Variants in MEI4 observed in about 807,000 individuals in gnomAD.
MEI4 encodes the protein meiosis-specific protein MEI4.
A neutral mutation model predicts 31.4 loss-of-function variants in MEI4; 27 were observed. The ratio of observed to expected loss-of-function variants is 0.86; its 90% confidence interval spans 0.63 to 1.19. The LOEUF is 1.19. Among genes scored for constraint, MEI4 ranks in the 50% most tolerant of loss-of-function variants. MEI4 has a pLI of 0.00. For missense variants in MEI4, 329 were observed against 398.9 expected (o/e 0.82, Z 1.49); for synonymous variants, 122 against 145.4 (o/e 0.84, Z 1.16).
At chr6:77,658,476 A>G (rs993964164) in intron 1 of MEI4, among the ~76,000 whole-genome samples, 2 of 152,118 alleles carry the variant, frequency 1.3e-5, no homozygotes, top group African/African-American at 4.8e-5. Flanking sequence ...CTGCCTTCTT[A>G]TAAGAAAAAT....
At chr6:77,769,578 T>G (rs933397399) in intron 3 of MEI4, among the ~76,000 whole-genome samples, 1 of 151,980 alleles carries the variant, frequency 6.6e-6, no homozygotes, top group African/African-American at 2.4e-5. Context: ...CAGTACAGAT[T>G]GTACCTCCAA....
chr6:77,694,997 A>G (rs1765982651), intron 2 of MEI4, among the ~76,000 whole-genome samples: 1 of 151,694 alleles, frequency 6.6e-6, no homozygotes, highest in African/African-American at 2.4e-5. Flanking sequence ...TTTGATTTGC[A>G]TTTCTCTGAT....
chr6:77,745,751 A>C (rs1287427586), intron 2 of MEI4, among the ~76,000 whole-genome samples: 1 of 152,200 alleles, frequency 6.6e-6, no homozygotes, highest in Non-Finnish European at 1.5e-5. Context: ...GTAAAAGAAC[A>C]GAAATTATAA....
At chr6:77,663,353 A>G (rs1173837495) in intron 1 of MEI4, among the ~76,000 whole-genome samples, 1 of 152,030 alleles carries the variant, frequency 6.6e-6, no homozygotes, top group African/African-American at 2.4e-5. Flanking sequence ...TAAGGGGTGC[A>G]TGATCGGTCG....
At chr6:77,712,404 A>G (rs1036230580) in intron 2 of MEI4, among the ~76,000 whole-genome samples, 1 of 152,216 alleles carries the variant, frequency 6.6e-6, no homozygotes, top group East Asian at 1.9e-4. Flanking sequence ...GGATTTTTAT[A>G]TTTAAAGAAA....
At chr6:77,760,831 C>G (rs1370825228) in intron 2 of MEI4, among the ~76,000 whole-genome samples, 2 of 152,086 alleles carry the variant, frequency 1.3e-5, no homozygotes, top group African/African-American at 4.8e-5. Flanking sequence ...TCCTTCAGGT[C>G]TTGTGGCTTT....
intron 3 of MEI4, among the ~76,000 whole-genome samples, chr6:77,793,949 C>A (rs11966564): frequency 0.23 from 34,565 of 151,884 alleles, 4,696 homozygotes; most frequent in African/African-American, 0.38. Flanking sequence ...TCAATAATTC[C>A]TTTAAAAGTA....
chr6:77,922,334 A>G (rs1368273974), intron 4 of MEI4, among the ~76,000 whole-genome samples: 3 of 151,764 alleles, frequency 2.0e-5, no homozygotes, highest in Admixed American at 6.6e-5. Flanking sequence ...TAATTAGTCT[A>G]CTTTTCAGAG....
chr6:77,874,037 C>G (rs1017111975), intron 4 of MEI4, among the ~76,000 whole-genome samples: 5 of 152,072 alleles, frequency 3.3e-5, no homozygotes, highest in African/African-American at 4.8e-5. Flanking sequence ...GTCAGGTAGC[C>G]TGATGCCTCC....
intron 2 of MEI4, among the ~76,000 whole-genome samples, chr6:77,710,623 C>T (rs934541954): frequency 3.3e-5 from 5 of 150,110 alleles, no homozygotes; most frequent in African/African-American, 1.2e-4. Flanking sequence ...TTTTAAAAGA[C>T]TTTCTGAAAC....
At chr6:77,724,867 C>T (rs1405050552) in intron 2 of MEI4, among the ~76,000 whole-genome samples, 7 of 146,534 alleles carry the variant, frequency 4.8e-5, no homozygotes, top group Admixed American at 3.4e-4. Context: ...GCTACATATT[C>T]GCAATGTAAA....
chr6:77,813,516 A>G (rs1316817135), intron 3 of MEI4, among the ~76,000 whole-genome samples: 1 of 128,036 alleles, frequency 7.8e-6, no homozygotes, highest in Non-Finnish European at 1.6e-5. Flanking sequence ...TTTTTTTTTC[A>G]TTTTTATTAT....
intron 4 of MEI4, among the ~76,000 whole-genome samples, chr6:77,910,610 G>C (rs1032886693): frequency 1.3e-5 from 2 of 152,100 alleles, no homozygotes; most frequent in Non-Finnish European, 2.9e-5. Flanking sequence ...AATCAATATT[G>C]TGAAAATGGC....
At chr6:77,746,336 A>C (rs1767602512) in intron 2 of MEI4, among the ~76,000 whole-genome samples, 1 of 152,170 alleles carries the variant, frequency 6.6e-6, no homozygotes, top group South Asian at 2.1e-4. Context: ...AAAGCAGATT[A>C]CCTCCGAAAT....
intron 3 of MEI4, among the ~76,000 whole-genome samples, chr6:77,796,525 A>C (rs1427389697): frequency 6.6e-6 from 1 of 152,218 alleles, no homozygotes; most frequent in Non-Finnish European, 1.5e-5. Flanking sequence ...TGCAGACTGC[A>C]AAATAAACAT....
At chr6:77,690,088 T>C (rs1004218663) in intron 1 of MEI4, among the ~76,000 whole-genome samples, 16 of 152,038 alleles carry the variant, frequency 1.1e-4, no homozygotes, top group African/African-American at 3.9e-4. Flanking sequence ...ACTTAAATGA[T>C]GCAAATATTT....
intron 1 of MEI4, among the ~76,000 whole-genome samples, chr6:77,655,562 CTT>C (rs1283101372): frequency 2.6e-5 from 4 of 152,156 alleles, no homozygotes; most frequent in South Asian, 4.2e-4. Flanking sequence ...TGTTATCAGA[CTT>C]ATATATATTT....
At chr6:77,739,715 C>G (rs1359783065) in intron 2 of MEI4, among the ~76,000 whole-genome samples, 1 of 151,684 alleles carries the variant, frequency 6.6e-6, no homozygotes, top group African/African-American at 2.4e-5. Context: ...CACATGTATC[C>G]CAGAACTTAG....
intron 3 of MEI4, among the ~76,000 whole-genome samples, chr6:77,767,109 C>T (rs769752526): frequency 2.0e-4 from 30 of 151,850 alleles, no homozygotes; most frequent in African/African-American, 2.7e-4. Flanking sequence ...CGGCTGGGCG[C>T]GGTGGCTCAC....
Sources: allele counts gnomAD v4.1 joint callset (sites outside exome capture counted in the v4.1 genomes callset), GRCh38; gene constraint gnomAD v4.1.1; transcripts MANE v1.5; gene names NCBI Gene and HGNC (gene_info 2026-07-23, HGNC 2026-07-21).